Variants in DLGAP2 observed in about 807,000 individuals in gnomAD.
DLGAP2 encodes the protein DLG associated protein 2, also known as disks large-associated protein 2.
In DLGAP2, 26 loss-of-function variants were observed where a neutral mutation model predicts 100.3. The observed-to-expected ratio is 0.26, with a 90% CI of 0.19 to 0.36. The LOEUF is 0.36. Among genes scored for constraint, DLGAP2 ranks in the 10% least tolerant of loss-of-function variants. DLGAP2 has a pLI of 1.00. For synonymous variants in DLGAP2, 886 were observed against 630.1 expected (o/e 1.41, Z -6.08); for missense variants, 1,858 against 1,453.2 (o/e 1.28, Z -4.53).
chr8:759,133 T>TTCCCATTATCAATACCCCC (rs1821001636), intron 1 of DLGAP2, among the ~76,000 whole-genome samples: 1 of 9,612 alleles, frequency 1.0e-4, no homozygotes, highest in African/African-American at 3.5e-4. Flanking sequence ...TCAATACCCC[T>TTCCCATTATCAATACCCCC]GACAGCTTTC....
At chr8:902,352 C>T (rs937743954) in intron 1 of DLGAP2, among the ~76,000 whole-genome samples, 7 of 146,698 alleles carry the variant, frequency 4.8e-5, no homozygotes, top group Non-Finnish European at 1.1e-4. Context: ...CATTGGCGGG[C>T]GCGGGGGCTG....
At chr8:1,092,006 A>G (rs569017934) in intron 2 of DLGAP2, among the ~76,000 whole-genome samples, 2 of 152,228 alleles carry the variant, frequency 1.3e-5, no homozygotes, top group Non-Finnish European at 2.9e-5. Flanking sequence ...AGTAGTGACA[A>G]TGGAACAAAA....
chr8:1,428,204 C>G (rs1797292083), intron 3 of DLGAP2, among the ~76,000 whole-genome samples: 1 of 151,470 alleles, frequency 6.6e-6, no homozygotes, highest in Non-Finnish European at 1.5e-5. Context: ...TCAAAACTCA[C>G]CAAATCAGAA....
At position 759,140 on chromosome 8, in the gene DLGAP2, T is replaced by TTTCCCGTTATCAATACCCCCCACAACC. The variant is rs1821002777; in HGVS notation, c.18+21320_18+21321insGTTATCAATACCCCCCACAACCTTCCC. ...TCCCATTATCAATACCCCTGACAGC[T>TTTCCCGTTATCAATACCCCCCACAACC]TTCCCATTATCAATACCCCCCACAG... On this transcript the variant is annotated intron_variant, in intron 1 of 14. Transcript: ENST00000637795. 2.2e-4 allele frequency among the ~76,000 whole-genome samples: 2 copies of TTTCCCGTTATCAATACCCCCCACAACC among 9,202 alleles called. 1 individual carries two copies. Among genetic ancestry groups the TTTCCCGTTATCAATACCCCCCACAACC allele is most frequent in the African/African-American group, 6.9e-4 (2 of 2,902 alleles). 6.0% of individuals were successfully genotyped at this position (9,202 alleles called of 152,430 possible).
intron 2 of DLGAP2, among the ~76,000 whole-genome samples, chr8:1,223,949 T>C (rs2100322): frequency 0.25 from 37,323 of 152,194 alleles, 5,235 homozygotes; most frequent in East Asian, 0.56. Flanking sequence ...ATAAGGATAT[T>C]TTCTCAACCT....
chr8:857,905 T>A (rs1452964880), intron 1 of DLGAP2, among the ~76,000 whole-genome samples: 1 of 152,068 alleles, frequency 6.6e-6, no homozygotes, highest in Non-Finnish European at 1.5e-5. Context: ...AGCCTCGCTC[T>A]TGTTGCCCAG....
intron 3 of DLGAP2, among the ~76,000 whole-genome samples, chr8:1,475,726 G>T (rs558373682): frequency 6.6e-6 from 1 of 152,138 alleles, no homozygotes; most frequent in Non-Finnish European, 1.5e-5. Context: ...GGCACCTGCC[G>T]GCTTGGGGAG....
intron 3 of DLGAP2, among the ~76,000 whole-genome samples, chr8:1,451,407 G>C (rs532123079): frequency 9.6e-4 from 146 of 152,262 alleles, no homozygotes; most frequent in African/African-American, 3.3e-3. Flanking sequence ...CAGACCTGAG[G>C]TTTGCTTGAA....
chr8:894,226 A>T (rs1365737239), intron 1 of DLGAP2, among the ~76,000 whole-genome samples: 1 of 152,094 alleles, frequency 6.6e-6, no homozygotes, highest in Non-Finnish European at 1.5e-5. Context: ...GTGGACACGG[A>T]ATGAGTGATC....
At chr8:1,083,868 CAT>C (rs761818739) in intron 2 of DLGAP2, among the ~76,000 whole-genome samples, 61 of 152,158 alleles carry the variant, frequency 4.0e-4, no homozygotes, top group Non-Finnish European at 6.8e-4. Context: ...GAAAGTGACT[CAT>C]GTGTCTAAGT....
intron 1 of DLGAP2, among the ~76,000 whole-genome samples, chr8:847,824 T>C (rs1225659593): frequency 1.3e-5 from 2 of 152,160 alleles, no homozygotes; most frequent in African/African-American, 2.4e-5. Context: ...CTGTGGACTT[T>C]TTCCTATTTA....
At chr8:1,545,150 T>A (rs1296355167) in intron 4 of DLGAP2, among the ~76,000 whole-genome samples, 2 of 152,206 alleles carry the variant, frequency 1.3e-5, no homozygotes, top group Non-Finnish European at 2.9e-5. Context: ...TACCATAGAA[T>A]GGGCTTGGAA....
chr8:996,396 C>T (rs896363429), intron 2 of DLGAP2, among the ~76,000 whole-genome samples: 5 of 152,082 alleles, frequency 3.3e-5, no homozygotes. Flanking sequence ...GTGTGGATCC[C>T]GTGTCCTCAG....
intron 3 of DLGAP2, among the ~76,000 whole-genome samples, chr8:1,386,698 T>G (rs1796227771): frequency 6.6e-6 from 1 of 152,114 alleles, no homozygotes; most frequent in Non-Finnish European, 1.5e-5. Flanking sequence ...AACCAGGGAT[T>G]CAGCCAGGTT....
At chr8:1,507,012 G>C (rs977018784) in intron 4 of DLGAP2, among the ~76,000 whole-genome samples, 3 of 152,242 alleles carry the variant, frequency 2.0e-5, no homozygotes, top group Non-Finnish European at 4.4e-5. Flanking sequence ...CCTTTTGCTA[G>C]ACACAGAGTT....
In DLGAP2 at chr8:1,702,579, G is replaced by C. The variant is rs556182959; in HGVS notation, c.*1173G>C. The C allele has an allele frequency of 1.3e-5, 2 of 150,816 alleles. No homozygotes were observed. Among genetic ancestry groups the C allele is most frequent in the African/African-American group, 4.9e-5 (2 of 41,154 alleles). 9.3% of individuals were successfully genotyped at this position (150,816 alleles called of 1,614,324 possible). A position where few individuals can be genotyped will look rare whatever the true frequency, so the allele number is the denominator to read the frequency against. ...TCCTTGCCTGTGTTAGACATGAAGG[G>C]AAAAAGAGGTCACATATTGTGATTT... On this transcript the variant is annotated 3_prime_UTR_variant, in exon 15 of 15. Transcript: ENST00000637795.
Position 1,678,886 on chromosome 8 carries a change from A to C in DLGAP2, c.2704+257A>C, listed in dbSNP as rs548532337. ...TGAATAGAAAATCAACTGTGCTAAC[A>C]GTTTTCTTGGGAGCATAGTTGATCT... On this transcript the variant is annotated intron_variant, in intron 12 of 14. Coordinates refer to ENST00000637795, the MANE Select transcript of DLGAP2 (RefSeq NM_001346810.2). The C allele has an allele frequency of 3.1e-5, 13 of 417,970 alleles. 1 individual carries two copies. In the South Asian group the frequency reaches 1.0e-3, roughly 33 times the overall value. The allele number at this position is 417,970 out of a possible 1,614,324, so 25.9% of individuals were successfully genotyped here.
intron 2 of DLGAP2, among the ~76,000 whole-genome samples, chr8:1,208,506 C>G (rs1358312284): frequency 2.0e-5 from 3 of 152,158 alleles, no homozygotes; most frequent in East Asian, 3.8e-4. Context: ...CTATGACACA[C>G]TAACAGCCAA....
chr8:1,329,729 AC>A (rs1428096198), intron 3 of DLGAP2, among the ~76,000 whole-genome samples: 4 of 152,100 alleles, frequency 2.6e-5, no homozygotes, highest in Non-Finnish European at 4.4e-5. Context: ...AACAGCAGAG[AC>A]CCTGGGGCTT....
Sources: gnomAD v4.1 joint callset for allele counts (sites outside exome capture counted in the v4.1 genomes callset) on GRCh38, gnomAD v4.1.1 for gene constraint, MANE v1.5 for transcripts, NCBI Gene and HGNC (gene_info 2026-07-23, HGNC 2026-07-21) for gene names.